The following GARIN1A variants were observed in gnomAD, a reference collection of about 807,000 sequenced individuals.
The protein encoded by GARIN1A is golgi associated RAB2 interactor 1A, also known as Golgi-associated RAB2 interactor protein 1A.
chr7:128,706,181 T>C, the GARIN1A span, among the ~76,000 whole-genome samples: 1 of 152,204 alleles, frequency 6.6e-6, no homozygotes, highest in African/African-American at 2.4e-5. Flanking sequence ...TGCATTCTTT[T>C]GACTTGTCTG....
the GARIN1A span, chr7:128,683,050 C>A: frequency 6.2e-7 from 1 of 1,611,210 alleles, no homozygotes; most frequent in Non-Finnish European, 8.5e-7. Flanking sequence ...TTGAATATAC[C>A]CATGAGAGCT....
chr7:128,674,592 C>T, the GARIN1A span, among the ~76,000 whole-genome samples: 1 of 152,192 alleles, frequency 6.6e-6, no homozygotes. Flanking sequence ...TCAATGTGTA[C>T]AACCCTTTGT....
the GARIN1A span, among the ~76,000 whole-genome samples, chr7:128,682,432 C>T: frequency 6.6e-6 from 1 of 152,214 alleles, no homozygotes; most frequent in Non-Finnish European, 1.5e-5. Flanking sequence ...CAGGCTCCCT[C>T]CTCCTCCTCT....
chr7:128,700,835 AGC>A, the GARIN1A span, among the ~76,000 whole-genome samples: 1 of 151,956 alleles, frequency 6.6e-6, no homozygotes, highest in Non-Finnish European at 1.5e-5. Context: ...TACTAACATG[AGC>A]ACACACACAC....
chr7:128,683,452 T>TTTTATTTTATTTA, the GARIN1A span: 1 of 154,232 alleles, frequency 6.5e-6, no homozygotes, highest in Non-Finnish European at 1.4e-5. Context: ...GACTGGGTAA[T>TTTTATTTTATTTA]TTTATTTATT....
the GARIN1A span, among the ~76,000 whole-genome samples, chr7:128,703,533 A>G: frequency 3.3e-5 from 5 of 152,192 alleles, no homozygotes; most frequent in Admixed American, 1.3e-4. Context: ...GCTCATGCCT[A>G]TAATCCCAGC....
the GARIN1A span, among the ~76,000 whole-genome samples, chr7:128,701,816 T>A: frequency 3.3e-5 from 5 of 152,166 alleles, no homozygotes; most frequent in Non-Finnish European, 7.4e-5. Context: ...ATACATTGGT[T>A]CTTTGGAGAG....
the GARIN1A span, chr7:128,672,389 C>A: frequency 9.4e-6 from 15 of 1,602,528 alleles, no homozygotes; most frequent in Non-Finnish European, 1.3e-5. Flanking sequence ...CCATTCTTAC[C>A]AAGAACCAAT....
the GARIN1A span, among the ~76,000 whole-genome samples, chr7:128,678,533 G>C: frequency 3.9e-5 from 6 of 152,274 alleles, no homozygotes; most frequent in Admixed American, 1.3e-4. Context: ...TCTGGATGCA[G>C]TGGCTCACGC....
chr7:128,687,664 TGTCAAATTTCAA>T, the GARIN1A span: 2 of 152,162 alleles, frequency 1.3e-5, no homozygotes. Context: ...TTGCTAAGCG[TGTCAAATTTCAA>T]GTCCTAACTG....
the GARIN1A span, chr7:128,677,883 A>G: frequency 7.7e-7 from 1 of 1,306,256 alleles, no homozygotes; most frequent in Non-Finnish European, 1.1e-6. Flanking sequence ...GTGTCTGTGT[A>G]TATATATAGA....
chr7:128,681,490 G>T, the GARIN1A span, among the ~76,000 whole-genome samples: 1 of 93,392 alleles, frequency 1.1e-5, no homozygotes, highest in Non-Finnish European at 2.0e-5. Context: ...CCTTTCCTCT[G>T]CTCTCCTCTC....
At chr7:128,694,948 T>C in the GARIN1A span, among the ~76,000 whole-genome samples, 1 of 152,226 alleles carries the variant, frequency 6.6e-6, no homozygotes, top group Non-Finnish European at 1.5e-5. Context: ...TTCTTCCTAG[T>C]TCCGTTGGTC....
the GARIN1A span, among the ~76,000 whole-genome samples, chr7:128,700,972 C>T: frequency 7.9e-5 from 12 of 151,910 alleles, no homozygotes; most frequent in Admixed American, 6.6e-4. Flanking sequence ...GCTTGGCTCC[C>T]CCACAGATAC....
the GARIN1A span, among the ~76,000 whole-genome samples, chr7:128,678,779 G>A: frequency 2.1e-4 from 30 of 141,888 alleles, no homozygotes; most frequent in East Asian, 2.1e-4. Flanking sequence ...CAGCCTGGGC[G>A]AAAGAGTGAA....
the GARIN1A span, chr7:128,672,519 A>C: frequency 6.2e-7 from 1 of 1,609,954 alleles, no homozygotes; most frequent in Non-Finnish European, 8.5e-7. Flanking sequence ...TTGTTCTCCA[A>C]CTCGGTGGTG....
the GARIN1A span, chr7:128,677,604 C>G: frequency 1.2e-6 from 2 of 1,612,160 alleles, no homozygotes; most frequent in Non-Finnish European, 8.5e-7. Flanking sequence ...AATCTACGAC[C>G]GGCTCCAGCG....
the GARIN1A span, chr7:128,683,196 A>G: frequency 5.5e-6 from 8 of 1,466,412 alleles, no homozygotes; most frequent in Non-Finnish European, 6.5e-6. Context: ...GCATACGTGT[A>G]CTTGCTACCA....
the GARIN1A span, among the ~76,000 whole-genome samples, chr7:128,674,481 G>C: frequency 6.6e-6 from 1 of 152,114 alleles, no homozygotes; most frequent in African/African-American, 2.4e-5. Flanking sequence ...AGTTGTTATA[G>C]TACAGTTACA....
Sources: gnomAD v4.1 joint callset for allele counts (sites outside exome capture counted in the v4.1 genomes callset) on GRCh38, gnomAD v4.1.1 for gene constraint, MANE v1.5 for transcripts, NCBI Gene and HGNC (gene_info 2026-07-23, HGNC 2026-07-21) for gene names.